Variants in WDTC1 observed in about 807,000 individuals in gnomAD.
The protein encoded by WDTC1 is WD and tetratricopeptide repeats 1.
A neutral mutation model predicts 76.0 loss-of-function variants in WDTC1; 12 were observed. The observed-to-expected ratio is 0.16, with a 90% CI of 0.10 to 0.26. The LOEUF (loss-of-function observed/expected upper bound fraction) is 0.26. WDTC1 is among the 10% of genes least tolerant of loss of function. The pLI, the probability that WDTC1 is intolerant of heterozygous loss-of-function variation, is 1.00. For missense variants in WDTC1, 511 were observed against 908.8 expected (o/e 0.56, Z 5.63); for synonymous variants, 326 against 350.8 (o/e 0.93, Z 0.79).
Position 27,303,545 on chromosome 1 carries a change from A to G in WDTC1, c.1469-76A>G. The G allele has an allele frequency of 6.7e-7, 1 of 1,496,374 alleles. No individual in the cohort carries two copies. The highest frequency in any genetic ancestry group is 8.9e-7 in the Non-Finnish European group (1 of 1,126,948). The allele number at this position is 1,496,374 out of a possible 1,614,324, so 92.7% of individuals were successfully genotyped here. Reference sequence around the variant, plus strand: ...TGTTGTCAGACTTTGGACTGAAAACAGAGCCATAGGTGGGGGAAAATAGGG... The same window carrying G: ...TGTTGTCAGACTTTGGACTGAAAACGGAGCCATAGGTGGGGGAAAATAGGG... On this transcript the variant is annotated intron_variant, in intron 13 of 15. Coordinates refer to ENST00000319394, the MANE Select transcript of WDTC1 (RefSeq NM_001276252.2). This position sits in a 1 kb window ranked among gnomAD's most constrained non-coding sequence, Gnocchi z 4.8.
At chr1:27,247,209 A>G (rs954714296) in intron 1 of WDTC1, among the ~76,000 whole-genome samples, 3 of 151,756 alleles carry the variant, frequency 2.0e-5, no homozygotes, top group Non-Finnish European at 4.4e-5. Context: ...GGTGCCTGCC[A>G]CCACGCCTGG....
intron 4 of WDTC1, among the ~76,000 whole-genome samples, chr1:27,282,782 G>T (rs2013223211): frequency 6.6e-6 from 1 of 151,882 alleles, no homozygotes; most frequent in South Asian, 2.1e-4. Flanking sequence ...AGGATTACAG[G>T]CATGAACTAC....
intron 10 of WDTC1, among the ~76,000 whole-genome samples, chr1:27,296,692 T>A (rs1056653772): frequency 1.3e-5 from 2 of 151,870 alleles, no homozygotes; most frequent in African/African-American, 4.8e-5. Context: ...CCTGGCCCAG[T>A]CTTCTCATTG....
Position 27,303,128 on chromosome 1 carries a change from C to T in WDTC1, c.1469-493C>T, listed in dbSNP as rs562566765. On this transcript the variant is annotated intron_variant, in intron 13 of 15. Coordinates refer to ENST00000319394, the MANE Select transcript of WDTC1 (RefSeq NM_001276252.2). The surrounding 1 kb of genome is among the most constrained non-coding windows in gnomAD (Gnocchi z 4.8). ...TCTCTACTAAAAATACAAAAATTAG[C>T]TGGGCGTGGTGGCACGTGCCTGGTA... Among the ~76,000 whole-genome samples the T allele has an allele frequency of 2.0e-5, 3 of 152,224 alleles. No homozygotes were observed. The South Asian group carries it at 6.2e-4, about 32-fold the overall frequency.
intron 3 of WDTC1, among the ~76,000 whole-genome samples, chr1:27,265,991 A>T (rs1557488938): frequency 6.6e-6 from 1 of 152,152 alleles, no homozygotes; most frequent in African/African-American, 2.4e-5. Flanking sequence ...ATAAATATTG[A>T]CAGATATCAC....
chr1:27,277,801 T>G (rs910657295), intron 3 of WDTC1, among the ~76,000 whole-genome samples: 2 of 152,170 alleles, frequency 1.3e-5, no homozygotes, highest in Non-Finnish European at 2.9e-5. Flanking sequence ...TTGTCTATTC[T>G]GGGTCTCTGG....
intron 1 of WDTC1, among the ~76,000 whole-genome samples, chr1:27,245,866 C>T (rs1348586536): frequency 1.3e-5 from 2 of 151,146 alleles, no homozygotes; most frequent in East Asian, 1.9e-4. Context: ...CACTGTAATC[C>T]TATGGGACAT....
chr1:27,295,890 T>C (rs1473323051), intron 9 of WDTC1, among the ~76,000 whole-genome samples: 1 of 152,048 alleles, frequency 6.6e-6, no homozygotes, highest in Non-Finnish European at 1.5e-5. Context: ...CTCAGCCTCC[T>C]GAGTAGCTGG....
At chr1:27,247,729 T>A (rs1410712323) in intron 1 of WDTC1, among the ~76,000 whole-genome samples, 4 of 142,144 alleles carry the variant, frequency 2.8e-5, no homozygotes, top group African/African-American at 9.9e-5. Context: ...TTTTTTTTTT[T>A]CTTTGTGAGA....
intron 3 of WDTC1, among the ~76,000 whole-genome samples, chr1:27,270,709 A>T (rs1195225302): frequency 6.6e-6 from 1 of 152,180 alleles, no homozygotes; most frequent in African/African-American, 2.4e-5. Flanking sequence ...ATTAAAAATT[A>T]AAATAATAAA....
intron 6 of WDTC1, among the ~76,000 whole-genome samples, chr1:27,290,933 C>G (rs2013518347): frequency 6.6e-6 from 1 of 152,244 alleles, no homozygotes; most frequent in African/African-American, 2.4e-5. Flanking sequence ...ATCCCTGAAC[C>G]TCAGAAGACA....
In WDTC1 at chr1:27,306,912, C is replaced by G. The variant is rs940093620; in HGVS notation, c.*529C>G. The G allele has an allele frequency of 6.3e-6, 1 of 159,904 alleles. No individual in the cohort carries two copies. Among genetic ancestry groups the G allele is most frequent in the Non-Finnish European group, 1.4e-5 (1 of 72,340 alleles). The allele number at this position is 159,904 out of a possible 1,614,324, so 9.9% of individuals were successfully genotyped here. A position where few individuals can be genotyped will look rare whatever the true frequency, so the allele number is the denominator to read the frequency against. ...CCCTCCAGAGCCACCAGTGTTAGAG[C>G]GGAGCCCAAAGGAAGGATGGGAGCC... is the stretch of plus-strand genomic sequence containing the variant. On this transcript the variant is annotated 3_prime_UTR_variant, in exon 16 of 16. Transcript: ENST00000319394. This position sits in a 1 kb window ranked among gnomAD's most constrained non-coding sequence, Gnocchi z 5.0.
At chr1:27,280,596 T>C (rs2147958057) in intron 3 of WDTC1, among the ~76,000 whole-genome samples, 1 of 152,378 alleles carries the variant, frequency 6.6e-6, no homozygotes, top group South Asian at 2.1e-4. Context: ...TTCATGCTGT[T>C]TTTTAAGAAG....
chr1:27,287,339 A>G (rs1274131513), intron 5 of WDTC1, among the ~76,000 whole-genome samples: 2 of 152,054 alleles, frequency 1.3e-5, no homozygotes, highest in Non-Finnish European at 2.9e-5. Context: ...GCTGTATATT[A>G]CTGCTGAACC....
intron 9 of WDTC1, among the ~76,000 whole-genome samples, chr1:27,295,253 T>G (rs1483196114): frequency 1.3e-5 from 2 of 152,114 alleles, no homozygotes; most frequent in Non-Finnish European, 2.9e-5. Context: ...ATGGGAGACA[T>G]GACAAACGAA....
In WDTC1 at chr1:27,291,378, T is replaced by G. The variant is rs566002342; in HGVS notation, c.480-837T>G. On this transcript the variant is annotated intron_variant, in intron 6 of 15. Transcript: ENST00000319394. ...TATTGAGGAATCTCTGCAATTTTTT[T>G]GAGCAGGAGAGTGATGTAAAATAAT... Among the ~76,000 whole-genome samples, 4 of 152,348 alleles carry G rather than the reference T, an allele frequency of 2.6e-5. No homozygotes were observed. The East Asian group carries it at 7.7e-4, about 29-fold the overall frequency.
At chr1:27,289,850 CGGCACGCGCCTGCAATCGCA>C (rs2013481070) in intron 6 of WDTC1, among the ~76,000 whole-genome samples, 1 of 152,298 alleles carries the variant, frequency 6.6e-6, no homozygotes, top group East Asian at 1.9e-4. Flanking sequence ...TCAGGCGTGG[CGGCACGCGCCTGCAATCGCA>C]GGCACTCGGC....
rs1051194837 is a variant in WDTC1, at chr1:27,283,504, A to G, written c.291+55A>G. On this transcript the variant is annotated intron_variant, in intron 5 of 15. Transcript: ENST00000319394. ...AAGCCACAGATCAAGCACAAGAGTG[A>G]CTGGGCTGTGGCCACGCCATGTTGG... is the stretch of plus-strand genomic sequence containing the variant. 2.6e-6 allele frequency: 4 copies of G among 1,561,268 alleles called. No homozygotes were observed. In the African/African-American group the frequency reaches 5.4e-5, roughly 21 times the overall value.
Position 27,301,594 on chromosome 1 carries a change from G to A in WDTC1, c.1468+133G>A. 2 of 1,031,726 alleles carry A rather than the reference G, an allele frequency of 1.9e-6. No homozygotes were observed. Among genetic ancestry groups the A allele is most frequent in the South Asian group, 3.2e-5 (2 of 63,446 alleles). 63.9% of individuals were successfully genotyped at this position (1,031,726 alleles called of 1,614,324 possible). On this transcript the variant is annotated intron_variant, in intron 13 of 15. Transcript: ENST00000319394. The surrounding 1 kb of genome is among the most constrained non-coding windows in gnomAD (Gnocchi z 5.8). ...TTGATTCAGAAACCATGCAACTTTG[G>A]GGCAGTTACTTGGTGTCTCTCTCAG...
Sources: allele counts gnomAD v4.1 joint callset (sites outside exome capture counted in the v4.1 genomes callset), GRCh38; gene constraint gnomAD v4.1.1; non-coding constraint Gnocchi (gnomAD v3.1); transcripts MANE v1.5; gene names NCBI Gene and HGNC (gene_info 2026-07-23, HGNC 2026-07-21).